The following SMARCA5 variants were observed in gnomAD, a reference collection of about 807,000 sequenced individuals.
SMARCA5 encodes SWI/SNF-related matrix-associated actin-dependent regulator of chromatin subfamily A member 5.
Under a neutral mutation model 140.4 loss-of-function variants are expected in SMARCA5, and 18 were observed. The ratio of observed to expected loss-of-function variants is 0.13; its 90% CI spans 0.09 to 0.19. The LOEUF (loss-of-function observed/expected upper bound fraction) is 0.19. SMARCA5 is among the 10% of genes least tolerant of loss of function. SMARCA5 has a pLI of 1.00. For missense variants in SMARCA5, 606 were observed against 1,276.8 expected, an observed-to-expected ratio of 0.47 and a Z score of 8.01; for synonymous variants, 449 against 419.6, an observed-to-expected ratio of 1.07 and a Z score of -0.86.
intron 11 of SMARCA5, 69 bp from the exon 12 acceptor site, chr4:143,538,521 A>G (rs541559467): frequency 7.9e-7 from 1 of 1,262,134 alleles, no homozygotes; most frequent in Admixed American, 1.8e-5. Context: ...GATTAGTCTT[A>G]GTTTTGGTTA....
Position 143,543,988 on chromosome 4 carries a change from G to C in SMARCA5, c.2172+16G>C. On this transcript the variant is annotated intron_variant, in intron 16 of 23. Coordinates refer to ENST00000283131, the MANE Select transcript of SMARCA5 (RefSeq NM_003601.4). ...AAAACAAAAGGTAATTTAGAAATAGGTTTGGGTTACATGAAAGCTTTATTT... is the reference window on the plus strand; with the variant it reads ...AAAACAAAAGGTAATTTAGAAATAGCTTTGGGTTACATGAAAGCTTTATTT... 1.3e-6 allele frequency: 2 copies of C among 1,526,956 alleles called. No individual in the cohort carries two copies. The highest frequency in any genetic ancestry group is 1.8e-6 in the Non-Finnish European group (2 of 1,136,138). 94.6% of individuals were successfully genotyped at this position (1,526,956 alleles called of 1,614,324 possible).
At chr4:143,535,109 T>A in intron 10 of SMARCA5, 145 bp downstream of exon 10, 1 of 538,952 alleles carries the variant, frequency 1.9e-6, no homozygotes. Flanking sequence ...TCACGTAGTA[T>A]AGGACTTGCT....
intron 14 of SMARCA5, among the ~76,000 whole-genome samples, chr4:143,542,087 T>C (rs1374979122): frequency 6.6e-6 from 1 of 152,134 alleles, no homozygotes. Context: ...CTTGAACTCC[T>C]GACCTCAGGC....
Position 143,545,567 on chromosome 4 carries a change from A to G in SMARCA5, c.2381A>G (p.Lys794Arg). The G allele has an allele frequency of 6.3e-7, 1 of 1,576,972 alleles. No homozygotes were observed. The highest frequency in any genetic ancestry group is 1.1e-5 in the South Asian group (1 of 90,176). ...GAAAAAGAAATTCTGTTTTACAGAA[A>G]AACTATTGGGTACAAGGTAATTGAA... Reference protein sequence around the residue: ...LLEKEILFYRKTIGYKVPRNP... With the variant: ...LLEKEILFYRRTIGYKVPRNP... The change falls in exon 18 of 24, where the codon AAA becomes AGA. Residue 794 changes from lysine (K) to arginine (R), a missense_variant. Physicochemically the swap from Lys to Arg is conservative, Grantham distance 26 (BLOSUM62 2). Around this residue, in one of 10 missense-constraint regions of SMARCA5, gnomAD observed 121 missense variants for 227.1 expected, o/e 0.53. Coordinates refer to ENST00000283131, the MANE Select transcript of SMARCA5 (RefSeq NM_003601.4).
At chr4:143,528,442 C>A in intron 7 of SMARCA5, 141 bp from the exon 8 acceptor site, 1 of 627,224 alleles carries the variant, frequency 1.6e-6, no homozygotes, top group Non-Finnish European at 2.7e-6. Flanking sequence ...TGGCTGCGTA[C>A]TATTCGCTGA....
chr4:143,553,279 T>G lies in SMARCA5; in HGVS notation c.*95T>G. ...TACTGTACAATGCTCAATTGTTATGTCATTTAAAGACATCAGGTTCATCTG... is the reference window on the plus strand; with the variant it reads ...TACTGTACAATGCTCAATTGTTATGGCATTTAAAGACATCAGGTTCATCTG... On this transcript the variant is annotated 3_prime_UTR_variant, in exon 24 of 24. Coordinates refer to ENST00000283131, the MANE Select transcript of SMARCA5 (RefSeq NM_003601.4). The G allele has an allele frequency of 1.2e-6, 1 of 840,064 alleles. No individual in the cohort carries two copies. Among genetic ancestry groups the G allele is most frequent in the Non-Finnish European group, 2.0e-6 (1 of 495,102 alleles). The allele number at this position is 840,064 out of a possible 1,614,324, so 52.0% of individuals were successfully genotyped here.
At chr4:143,529,414 A>G (rs531332929) in intron 8 of SMARCA5, among the ~76,000 whole-genome samples, 3 of 152,320 alleles carry the variant, frequency 2.0e-5, no homozygotes, top group Admixed American at 6.5e-5. Context: ...TTATGTTTTA[A>G]GTCCCAAGGA....
chr4:143,534,373 G>C (rs1737262348), intron 9 of SMARCA5, among the ~76,000 whole-genome samples: 1 of 151,936 alleles, frequency 6.6e-6, no homozygotes, highest in South Asian at 2.1e-4. Flanking sequence ...ATATCCATAG[G>C]TTCCACATCC....
rs78019012 is a variant in SMARCA5, at chr4:143,527,885, C to T, written c.819C>T (p.Asp273=). 267 of 1,591,700 alleles carry T rather than the reference C, an allele frequency of 1.7e-4. No homozygotes were observed. In the East Asian group the frequency reaches 5.6e-3, roughly 33 times the overall value. ...DKEQRAAFVR[D]VLLPGEWDVC... ...TTACACAGGCTGCTTTTGTCAGAGA[C>T]GTTTTATTACCGGGAGAATGGGATG... Residue 273 remains aspartate (D), a synonymous_variant, in exon 7 of 24, where the codon GAC becomes GAT. Coordinates refer to ENST00000283131, the MANE Select transcript of SMARCA5 (RefSeq NM_003601.4).
chr4:143,545,264 G>A (rs1737500747), intron 17 of SMARCA5, among the ~76,000 whole-genome samples: 2 of 152,100 alleles, frequency 1.3e-5, no homozygotes, highest in East Asian at 1.9e-4. Context: ...TCTTTAGAGT[G>A]TACTCTCTTC....
At chr4:143,551,485 G>T (rs1211962697) in intron 23 of SMARCA5, among the ~76,000 whole-genome samples, 1 of 152,064 alleles carries the variant, frequency 6.6e-6, no homozygotes, top group Non-Finnish European at 1.5e-5. Context: ...GCCCAGTCCA[G>T]TGTTCTGGAG....
intron 1 of SMARCA5, chr4:143,514,561 A>T (rs1736783078): frequency 6.4e-6 from 1 of 157,108 alleles, no homozygotes; most frequent in African/African-American, 2.4e-5. Flanking sequence ...GCGTCCGAGG[A>T]CTTGGGCCTC....
intron 16 of SMARCA5, 158 bp downstream of exon 16, chr4:143,544,130 C>T (rs1394979449): frequency 2.1e-5 from 9 of 433,412 alleles, no homozygotes; most frequent in African/African-American, 4.1e-5. Flanking sequence ...AATTTAATGC[C>T]AGTTTTTCAG....
Position 143,543,242 on chromosome 4 carries a change from C to T in SMARCA5, c.1904-267C>T, listed in dbSNP as rs575998623. 2.6e-5 allele frequency among the ~76,000 whole-genome samples: 4 copies of T among 152,166 alleles called. No individual in the cohort carries two copies. The South Asian group carries it at 8.3e-4, about 32-fold the overall frequency. On this transcript the variant is annotated intron_variant, in intron 14 of 23. Coordinates refer to ENST00000283131, the MANE Select transcript of SMARCA5 (RefSeq NM_003601.4). ...GAAAATTTTTCATATGCAGCTTTCA[C>T]AAAAGATTATATTTCGTTGGCACAG...
Position 143,549,942 on chromosome 4 carries a change from A to G in SMARCA5, c.2986-55A>G. On this transcript the variant is annotated intron_variant, in intron 22 of 23. Transcript: ENST00000283131. ...TAAAACATACCTTGTTTTAAAATTG[A>G]AATCATGAAACTTGTGGATGGAAAG... 6.2e-6 allele frequency: 6 copies of G among 960,836 alleles called. 1 individual carries two copies. In the South Asian group the frequency reaches 8.6e-5, roughly 14 times the overall value. 59.5% of individuals were successfully genotyped at this position (960,836 alleles called of 1,614,324 possible). A position where few individuals can be genotyped will look rare whatever the true frequency, so the allele number is the denominator to read the frequency against.
In SMARCA5 at chr4:143,548,035, C is replaced by T; in HGVS notation, c.2880C>T (p.His960=). 1 of 1,611,284 alleles carries T rather than the reference C, an allele frequency of 6.2e-7. No individual in the cohort carries two copies. Among genetic ancestry groups the T allele is most frequent in the Non-Finnish European group, 8.5e-7 (1 of 1,177,700 alleles). ...EEDRFLICML[H]KLGFDKENVY... ...ATCGTTTTCTGATTTGTATGCTTCACAAACTTGGATTTGACAAAGAAAATG... is the reference window on the plus strand; with the variant it reads ...ATCGTTTTCTGATTTGTATGCTTCATAAACTTGGATTTGACAAAGAAAATG... The change falls in exon 22 of 24, where the codon CAC becomes CAT. Residue 960 remains histidine, a synonymous_variant. Coordinates refer to ENST00000283131, the MANE Select transcript of SMARCA5 (RefSeq NM_003601.4).
At chr4:143,549,690 A>C (rs1290357291) in intron 22 of SMARCA5, among the ~76,000 whole-genome samples, 1 of 152,134 alleles carries the variant, frequency 6.6e-6, no homozygotes, top group Admixed American at 6.6e-5. Flanking sequence ...TAGTTCTCAG[A>C]CATACACACT....
chr4:143,536,544 G>A lies in SMARCA5; in HGVS notation c.1361G>A (p.Arg454Lys). 1 of 1,613,878 alleles carries A rather than the reference G, an allele frequency of 6.2e-7. No individual in the cohort carries two copies. The highest frequency in any genetic ancestry group is 8.5e-7 in the Non-Finnish European group (1 of 1,179,832). ...MRLLNILMQL[R>K]KCCNHPYLFD... Reference sequence around the variant, plus strand: ...TTATTGAACATCCTAATGCAGTTGAGAAAATGTTGTAATCATCCATATCTC... The same window carrying A: ...TTATTGAACATCCTAATGCAGTTGAAAAAATGTTGTAATCATCCATATCTC... Residue 454 changes from arginine (R) to lysine (K), a missense_variant, in exon 11 of 24, where the codon AGA (arginine) becomes AAA (lysine). Physicochemically the swap from Arg to Lys is conservative, Grantham distance 26 (BLOSUM62 2). Coordinates refer to ENST00000283131, the MANE Select transcript of SMARCA5 (RefSeq NM_003601.4).
chr4:143,555,275 T>G lies in SMARCA5; in HGVS notation c.*2091T>G. 1.2e-6 allele frequency: 1 copy of G among 836,070 alleles called. No homozygotes were observed. Among genetic ancestry groups the G allele is most frequent in the Non-Finnish European group, 2.0e-6 (1 of 491,386 alleles). The allele number at this position is 836,070 out of a possible 1,614,324, so 51.8% of individuals were successfully genotyped here. A position where few individuals can be genotyped will look rare whatever the true frequency, so the allele number is the denominator to read the frequency against. ...TCCAAAATTTGAAGACTGATTGTTGTCATTGCCAAAATCATTGTAGCTTTT... is the reference window on the plus strand; with the variant it reads ...TCCAAAATTTGAAGACTGATTGTTGGCATTGCCAAAATCATTGTAGCTTTT... On this transcript the variant is annotated 3_prime_UTR_variant, in exon 24 of 24. Transcript: ENST00000283131.
Sources: gnomAD v4.1 joint callset for allele counts (sites outside exome capture counted in the v4.1 genomes callset) on GRCh38, gnomAD v4.1.1 for gene constraint, gnomAD v4.1.1 regional missense constraint, MANE v1.5 for transcripts, NCBI Gene and HGNC (gene_info 2026-07-23, HGNC 2026-07-21) for gene names.